The following BABAM2 variants were observed in gnomAD, a reference collection of about 807,000 sequenced individuals.
The protein encoded by BABAM2 is BRISC and BRCA1-A complex member 2.
Under a neutral mutation model 54.7 loss-of-function variants are expected in BABAM2, and 31 were observed. That is an observed-to-expected ratio of 0.57 (90% CI 0.43 to 0.77). The LOEUF (loss-of-function observed/expected upper bound fraction) is 0.77. Among genes scored for constraint, BABAM2 ranks in the 30% least tolerant of loss-of-function variants. The pLI is 0.00. For synonymous variants in BABAM2, 167 were observed against 162.9 expected, an observed-to-expected ratio of 1.03 and a Z score of -0.19; for missense variants, 364 against 455.8, an observed-to-expected ratio of 0.80 and a Z score of 1.83.
At chr2:28,207,391 G>C (rs554236547) in intron 7 of BABAM2, among the ~76,000 whole-genome samples, 13 of 151,170 alleles carry the variant, frequency 8.6e-5, no homozygotes, top group Admixed American at 2.6e-4. Flanking sequence ...AAAAACAGCA[G>C]CAGCAACAAC....
intron 10 of BABAM2, among the ~76,000 whole-genome samples, chr2:28,260,922 A>G (rs530813012): frequency 1.4e-5 from 2 of 147,678 alleles, no homozygotes; most frequent in East Asian, 4.0e-4. Flanking sequence ...TGAAGTTTTC[A>G]AAATTTTTCA....
At chr2:28,067,392 C>A (rs190083289) in intron 6 of BABAM2, among the ~76,000 whole-genome samples, 4 of 152,242 alleles carry the variant, frequency 2.6e-5, no homozygotes, top group African/African-American at 4.8e-5. Context: ...CACGGTCATA[C>A]TGAACAGTTA....
intron 3 of BABAM2, among the ~76,000 whole-genome samples, chr2:27,936,418 T>TA (rs1668489037): frequency 6.6e-6 from 1 of 152,120 alleles, no homozygotes; most frequent in African/African-American, 2.4e-5. Context: ...GAACTAGAAA[T>TA]ACCATTTGAC....
At chr2:28,080,849 T>C (rs1187534098) in intron 6 of BABAM2, among the ~76,000 whole-genome samples, 4 of 152,200 alleles carry the variant, frequency 2.6e-5, no homozygotes, top group African/African-American at 9.7e-5. Flanking sequence ...GGAGATACAT[T>C]AAGCTTGGAG....
At chr2:28,208,425 C>A (rs1415998034) in intron 7 of BABAM2, among the ~76,000 whole-genome samples, 1 of 152,170 alleles carries the variant, frequency 6.6e-6, no homozygotes, top group Admixed American at 6.5e-5. Context: ...AGATTCTAAC[C>A]CTAGTTTGCA....
At chr2:28,043,372 G>A (rs763574372) in intron 5 of BABAM2, among the ~76,000 whole-genome samples, 4 of 152,016 alleles carry the variant, frequency 2.6e-5, no homozygotes, top group East Asian at 3.9e-4. Context: ...CTTGTGATCC[G>A]CCTGCCTTGG....
chr2:27,980,084 T>C (rs963667598), intron 3 of BABAM2, among the ~76,000 whole-genome samples: 3 of 152,222 alleles, frequency 2.0e-5, no homozygotes, highest in Non-Finnish European at 4.4e-5. Flanking sequence ...TTGCTCCCAC[T>C]GTTATAGCCT....
At chr2:28,139,321 CAAAAAAAAAAAAA>C (rs768755922) in intron 7 of BABAM2, among the ~76,000 whole-genome samples, 1 of 87,060 alleles carries the variant, frequency 1.1e-5, no homozygotes, top group African/African-American at 5.8e-5. Context: ...AACTCCGTCT[CAAAAAAAAAAAAA>C]AAAAAAAAAA....
intron 7 of BABAM2, among the ~76,000 whole-genome samples, chr2:28,163,499 G>A (rs777343536): frequency 6.6e-6 from 1 of 152,120 alleles, no homozygotes; most frequent in African/African-American, 2.4e-5. Flanking sequence ...TGGGGACAAA[G>A]GTCTAGGAGA....
At chr2:28,202,180 A>G (rs1678347847) in intron 7 of BABAM2, among the ~76,000 whole-genome samples, 1 of 152,216 alleles carries the variant, frequency 6.6e-6, no homozygotes, top group Non-Finnish European at 1.5e-5. Context: ...TAAATCCTAG[A>G]GAAGATGCCA....
chr2:28,191,815 A>G (rs769623224), intron 7 of BABAM2, among the ~76,000 whole-genome samples: 10 of 152,200 alleles, frequency 6.6e-5, no homozygotes, highest in Admixed American at 2.0e-4. Flanking sequence ...GGAAGACGCT[A>G]TATACGTCCA....
chr2:28,067,291 A>G (rs1663691148), intron 6 of BABAM2, among the ~76,000 whole-genome samples: 1 of 152,192 alleles, frequency 6.6e-6, no homozygotes, highest in African/African-American at 2.4e-5. Flanking sequence ...AGATAGAAAG[A>G]TAGTTAGATA....
At chr2:27,921,676 T>C (rs571485368) in intron 2 of BABAM2, among the ~76,000 whole-genome samples, 40 of 152,318 alleles carry the variant, frequency 2.6e-4, no homozygotes, top group African/African-American at 9.1e-4. Flanking sequence ...TTTAAATAGT[T>C]TAATATAATT....
intron 4 of BABAM2, chr2:28,016,390 C>T (rs1382015589): frequency 1.4e-6 from 2 of 1,395,058 alleles, no homozygotes; most frequent in Middle Eastern, 1.8e-4. Flanking sequence ...TCAGATAATC[C>T]TGTATTTTTG....
chr2:28,324,486 A>G (rs1183359998), intron 11 of BABAM2, among the ~76,000 whole-genome samples: 1 of 152,074 alleles, frequency 6.6e-6, no homozygotes, highest in Non-Finnish European at 1.5e-5. Context: ...TAGAAAAGTT[A>G]CTTTGGGCCA....
At chr2:28,053,546 A>G (rs1678156509) in intron 6 of BABAM2, among the ~76,000 whole-genome samples, 2 of 152,246 alleles carry the variant, frequency 1.3e-5, no homozygotes, top group Admixed American at 6.5e-5. Context: ...AATTTGAGCC[A>G]AAATTTGCAT....
chr2:28,318,779 G>A (rs571520906), intron 11 of BABAM2, among the ~76,000 whole-genome samples: 1 of 152,176 alleles, frequency 6.6e-6, no homozygotes, highest in Non-Finnish European at 1.5e-5. Flanking sequence ...CAGCTGTGTA[G>A]GCATGGTTTA....
chr2:28,308,829 A>G (rs754440461), intron 11 of BABAM2: 1 of 157,772 alleles, frequency 6.3e-6, no homozygotes, highest in African/African-American at 2.4e-5. Context: ...CTCACAGGCT[A>G]TGTGACTTTG....
chr2:27,917,842 A>G (rs1192422498), intron 2 of BABAM2, among the ~76,000 whole-genome samples: 1 of 152,194 alleles, frequency 6.6e-6, no homozygotes, highest in Non-Finnish European at 1.5e-5. Context: ...AAAATAATTT[A>G]TATTACTTAT....
Sources: gnomAD v4.1 joint callset for allele counts (sites outside exome capture counted in the v4.1 genomes callset) on GRCh38, gnomAD v4.1.1 for gene constraint, MANE v1.5 for transcripts, NCBI Gene and HGNC (gene_info 2026-07-23, HGNC 2026-07-21) for gene names.